The following PCCA variants were observed in gnomAD, a reference collection of about 807,000 sequenced individuals.
PCCA encodes the protein propionyl-CoA carboxylase alpha chain, mitochondrial.
A neutral mutation model predicts 101.3 loss-of-function variants in PCCA; 74 were observed. The observed-to-expected ratio is 0.73, with a 90% CI of 0.61 to 0.89. The LOEUF is 0.89. Among genes scored for constraint, PCCA ranks in the 40% least tolerant of loss-of-function variants. PCCA has a pLI of 0.00. For missense variants in PCCA, 891 were observed against 907.0 expected (o/e 0.98, Z 0.23); for synonymous variants, 294 against 313.6 (o/e 0.94, Z 0.66).
At chr13:100,445,471 A>G (rs771224080) in intron 20 of PCCA, among the ~76,000 whole-genome samples, 5 of 152,220 alleles carry the variant, frequency 3.3e-5, no homozygotes, top group African/African-American at 4.8e-5. Context: ...TCAAGAATAT[A>G]TTAATAATAC....
chr13:100,326,973 G>A (rs1289124732), intron 16 of PCCA, among the ~76,000 whole-genome samples: 3 of 152,186 alleles, frequency 2.0e-5, no homozygotes, highest in African/African-American at 7.2e-5. Flanking sequence ...TAATCCTCAT[G>A]TTATTCAGTC....
intron 4 of PCCA, among the ~76,000 whole-genome samples, chr13:100,152,052 T>A (rs946652136): frequency 2.6e-5 from 4 of 152,060 alleles, no homozygotes; most frequent in Non-Finnish European, 4.4e-5. Context: ...TGAAATAGAG[T>A]TTCAAAAGTT....
intron 21 of PCCA, among the ~76,000 whole-genome samples, chr13:100,467,888 A>G (rs900080914): frequency 1.3e-5 from 2 of 152,194 alleles, no homozygotes; most frequent in Non-Finnish European, 2.9e-5. Context: ...TAGAGTGGTG[A>G]AGAAGGTTTT....
At chr13:100,178,766 C>A (rs1393951007) in intron 6 of PCCA, among the ~76,000 whole-genome samples, 1 of 152,034 alleles carries the variant, frequency 6.6e-6, no homozygotes, top group Non-Finnish European at 1.5e-5. Flanking sequence ...CAAGATTTAG[C>A]CACATTTTTT....
At chr13:100,173,387 A>G (rs1187674475) in intron 6 of PCCA, among the ~76,000 whole-genome samples, 2 of 152,192 alleles carry the variant, frequency 1.3e-5, no homozygotes, top group African/African-American at 2.4e-5. Flanking sequence ...GGCATTTGGT[A>G]GAGATTCAAA....
chr13:100,217,479 C>T (rs1490616989), intron 7 of PCCA, among the ~76,000 whole-genome samples: 1 of 151,650 alleles, frequency 6.6e-6, no homozygotes. Flanking sequence ...TCTGTAACTG[C>T]AAATATATGA....
At chr13:100,516,736 C>CGTGTGTGTGTGTGTGT (rs3840000) in intron 22 of PCCA, among the ~76,000 whole-genome samples, 1 of 144,968 alleles carries the variant, frequency 6.9e-6, no homozygotes, top group African/African-American at 2.5e-5. Flanking sequence ...AGAAAAATTA[C>CGTGTGTGTGTGTGTGT]GTGTGTGTGT....
intron 22 of PCCA, among the ~76,000 whole-genome samples, chr13:100,526,473 C>T (rs1043599942): frequency 1.1e-4 from 16 of 152,354 alleles, no homozygotes; most frequent in African/African-American, 2.4e-4. Context: ...TCGGCTCAGG[C>T]GCTCCAGAGT....
In PCCA at chr13:100,337,014, G is replaced by A. The variant is rs1018640042; in HGVS notation, c.1541-3143G>A. ...GCAGCACCTCTCAGTCTTCTCTGTCGGGGTTGGGGGAGAGGGTAAACCAAG... is the reference window on the plus strand; with the variant it reads ...GCAGCACCTCTCAGTCTTCTCTGTCAGGGTTGGGGGAGAGGGTAAACCAAG... On this transcript the variant is annotated intron_variant, in intron 17 of 23. Coordinates refer to ENST00000376285, the MANE Select transcript of PCCA (RefSeq NM_000282.4). 6.6e-5 allele frequency among the ~76,000 whole-genome samples: 10 copies of A among 152,118 alleles called. No homozygotes were observed. In the South Asian group the frequency reaches 1.9e-3, roughly 28 times the overall value.
chr13:100,278,493 T>TC (rs2063825565), intron 12 of PCCA, among the ~76,000 whole-genome samples: 1 of 151,904 alleles, frequency 6.6e-6, no homozygotes. Context: ...TGATTTTTTT[T>TC]TTTTTTTTAA....
chr13:100,503,420 G>A (rs2085829834), intron 21 of PCCA, among the ~76,000 whole-genome samples: 1 of 152,208 alleles, frequency 6.6e-6, no homozygotes, highest in South Asian at 2.1e-4. Context: ...AACCCAGGAG[G>A]TGGAGGTTGT....
intron 21 of PCCA, among the ~76,000 whole-genome samples, chr13:100,484,164 C>G (rs2084176298): frequency 6.6e-6 from 1 of 152,090 alleles, no homozygotes; most frequent in South Asian, 2.1e-4. Context: ...TTCTTGTTCT[C>G]CGGCTCAGTA....
intron 9 of PCCA, 86 bp from the exon 10 acceptor site, chr13:100,262,643 T>C: frequency 2.7e-6 from 2 of 751,040 alleles, no homozygotes; most frequent in Non-Finnish European, 4.8e-6. Flanking sequence ...CTATTTGTTT[T>C]GTTAGTCTGA....
At chr13:100,351,797 C>T (rs1016977108) in intron 18 of PCCA, among the ~76,000 whole-genome samples, 4 of 152,104 alleles carry the variant, frequency 2.6e-5, no homozygotes, top group Admixed American at 2.0e-4. Context: ...ATTGGATAGA[C>T]CTCAGTTTCC....
At chr13:100,405,695 C>T (rs901352332) in intron 19 of PCCA, among the ~76,000 whole-genome samples, 1 of 151,432 alleles carries the variant, frequency 6.6e-6, no homozygotes, top group African/African-American at 2.4e-5. Flanking sequence ...CAAATACTTG[C>T]GAGTTGGGTG....
intron 6 of PCCA, among the ~76,000 whole-genome samples, chr13:100,168,865 C>T (rs2055327510): frequency 6.6e-6 from 1 of 152,096 alleles, no homozygotes; most frequent in African/African-American, 2.4e-5. Context: ...GAAAAGGTTT[C>T]TTTTCATTGT....
At chr13:100,108,260 T>A (rs916451149) in intron 2 of PCCA, among the ~76,000 whole-genome samples, 4 of 152,218 alleles carry the variant, frequency 2.6e-5, no homozygotes, top group Non-Finnish European at 5.9e-5. Flanking sequence ...ACATTATTAG[T>A]ACAGTTATAG....
At chr13:100,311,347 A>C (rs1262904544) in intron 16 of PCCA, among the ~76,000 whole-genome samples, 2 of 152,176 alleles carry the variant, frequency 1.3e-5, no homozygotes, top group African/African-American at 4.8e-5. Flanking sequence ...TCTCTGCCTT[A>C]TAAATTACTG....
At chr13:100,230,062 A>T (rs1267106095) in intron 7 of PCCA, among the ~76,000 whole-genome samples, 1 of 152,214 alleles carries the variant, frequency 6.6e-6, no homozygotes, top group African/African-American at 2.4e-5. Flanking sequence ...TTGTTTATTC[A>T]TGGAAGAAAT....
Sources: gnomAD v4.1 joint callset for allele counts (sites outside exome capture counted in the v4.1 genomes callset) on GRCh38, gnomAD v4.1.1 for gene constraint, MANE v1.5 for transcripts, NCBI Gene and HGNC (gene_info 2026-07-23, HGNC 2026-07-21) for gene names.